Variants in ACVR1C observed in about 807,000 individuals in gnomAD.
The protein encoded by ACVR1C is activin A receptor type 1C, also known as activin receptor type-1C.
Under a neutral mutation model 57.9 loss-of-function variants are expected in ACVR1C, and 23 were observed. The ratio of observed to expected loss-of-function variants is 0.40; its 90% CI spans 0.29 to 0.56. The LOEUF (loss-of-function observed/expected upper bound fraction) is 0.56, where lower values mean the gene tolerates loss of function less well. Ranked by LOEUF, ACVR1C falls within the 20% of genes least tolerant of loss-of-function variation. ACVR1C has a pLI of 0.50. For synonymous variants in ACVR1C, 214 were observed against 215.3 expected, an observed-to-expected ratio of 0.99 and a Z score of 0.05; for missense variants, 480 against 607.9, an observed-to-expected ratio of 0.79 and a Z score of 2.21.
chr2:157,604,582 T>TA (rs537783066), intron 1 of ACVR1C, among the ~76,000 whole-genome samples: 154 of 152,102 alleles, frequency 1.0e-3, no homozygotes, highest in African/African-American at 3.5e-3. Context: ...TTCTCTTTGC[T>TA]AAATATCTAG....
intron 1 of ACVR1C, among the ~76,000 whole-genome samples, chr2:157,598,710 G>T (rs141246237): frequency 6.6e-6 from 1 of 151,736 alleles, no homozygotes; most frequent in African/African-American, 2.4e-5. Context: ...GGCTAATTTT[G>T]TATTTTTAGT....
chr2:157,556,205 C>T lies in ACVR1C; in HGVS notation c.432G>A (p.Arg144=), dbSNP rs759642205. 3 of 1,613,996 alleles carry T rather than the reference C, an allele frequency of 1.9e-6. No homozygotes were observed. Among genetic ancestry groups the T allele is most frequent in the Non-Finnish European group, 2.5e-6 (3 of 1,179,946 alleles). ...CCTCCACATTTGGTCTCTTTTTCTT[C>T]CTGTAGGAGCACTGTCGACCCTGGC... ...WACQGRQCSY[R]KKKRPNVEEP... Residue 144 remains arginine (R), a synonymous_variant, in exon 3 of 9, where the codon AGG becomes AGA. Coordinates refer to ENST00000243349, the MANE Select transcript of ACVR1C (RefSeq NM_145259.3).
At chr2:157,586,416 T>A (rs1573938162) in intron 2 of ACVR1C, among the ~76,000 whole-genome samples, 1 of 152,238 alleles carries the variant, frequency 6.6e-6, no homozygotes, top group Middle Eastern at 3.4e-3. Flanking sequence ...CTGTTATAGA[T>A]ACATCTGTAT....
At chr2:157,550,041 A>G (rs1687877718) in intron 4 of ACVR1C, 121 bp downstream of exon 4, 1 of 853,836 alleles carries the variant, frequency 1.2e-6, no homozygotes, top group South Asian at 2.0e-5. Flanking sequence ...AAGGAAAAAA[A>G]AAAAAAGAAG....
intron 1 of ACVR1C, among the ~76,000 whole-genome samples, chr2:157,618,010 A>G (rs1682691634): frequency 6.6e-6 from 1 of 151,950 alleles, no homozygotes; most frequent in African/African-American, 2.4e-5. Flanking sequence ...CTTCAGGTTG[A>G]AAGAAAATGA....
At chr2:157,575,232 G>A (rs1452811525) in intron 2 of ACVR1C, among the ~76,000 whole-genome samples, 2 of 69,126 alleles carry the variant, frequency 2.9e-5, no homozygotes, top group Admixed American at 1.3e-4. Context: ...GGGTTCAAGC[G>A]ATTCTCCTGT....
chr2:157,588,236 TAC>T (rs10572950), intron 1 of ACVR1C, among the ~76,000 whole-genome samples: 5,662 of 147,632 alleles, frequency 0.038, 171 homozygotes, highest in African/African-American at 0.077. Flanking sequence ...CTCCACTTAC[TAC>T]ACACACACAC....
Position 157,533,834 on chromosome 2 carries a change from A to C in ACVR1C, c.*84T>G. 2 of 1,386,664 alleles carry C rather than the reference A, an allele frequency of 1.4e-6. No homozygotes were observed. The highest frequency in any genetic ancestry group is 9.5e-7 in the Non-Finnish European group (1 of 1,055,660). 85.9% of individuals were successfully genotyped at this position (1,386,664 alleles called of 1,614,324 possible). A position where few individuals can be genotyped will look rare whatever the true frequency, so the allele number is the denominator to read the frequency against. On this transcript the variant is annotated 3_prime_UTR_variant, in exon 9 of 9. Coordinates refer to ENST00000243349, the MANE Select transcript of ACVR1C (RefSeq NM_145259.3). ...CTGTCTTATCTTTGAGGTAGAACAAAAAAAAAATGGCAAAAACATTCACAT... is the reference window on the plus strand; with the variant it reads ...CTGTCTTATCTTTGAGGTAGAACAACAAAAAAATGGCAAAAACATTCACAT...
intron 1 of ACVR1C, among the ~76,000 whole-genome samples, chr2:157,595,675 A>G (rs1682079276): frequency 6.6e-6 from 1 of 152,224 alleles, no homozygotes; most frequent in African/African-American, 2.4e-5. Context: ...AATCATTATC[A>G]TGACCTGATA....
intron 1 of ACVR1C, among the ~76,000 whole-genome samples, chr2:157,604,504 T>G (rs1049492615): frequency 3.3e-5 from 5 of 152,006 alleles, no homozygotes; most frequent in African/African-American, 1.2e-4. Flanking sequence ...TTTTTTCCCA[T>G]TTTTCTGGAT....
intron 2 of ACVR1C, among the ~76,000 whole-genome samples, chr2:157,580,090 C>A (rs1324368504): frequency 6.6e-6 from 1 of 151,966 alleles, no homozygotes; most frequent in Non-Finnish European, 1.5e-5. Flanking sequence ...CACAAACACA[C>A]ACGCGCGCAC....
intron 8 of ACVR1C, among the ~76,000 whole-genome samples, chr2:157,537,567 G>A (rs1035675440): frequency 6.6e-6 from 1 of 151,868 alleles, no homozygotes. Context: ...TTAGAAAAGG[G>A]TTGAGAAACA....
intron 4 of ACVR1C, among the ~76,000 whole-genome samples, chr2:157,545,177 A>G (rs1573907538): frequency 6.6e-6 from 1 of 152,226 alleles, no homozygotes; most frequent in African/African-American, 2.4e-5. Context: ...AATTTACCTC[A>G]TTTAGCCAAA....
chr2:157,541,745 T>C (rs1490672760), intron 6 of ACVR1C, among the ~76,000 whole-genome samples: 3 of 152,214 alleles, frequency 2.0e-5, no homozygotes. Flanking sequence ...CTGGGGCTTA[T>C]GAAAGTCTCC....
intron 2 of ACVR1C, among the ~76,000 whole-genome samples, chr2:157,556,717 G>A (rs899709848): frequency 1.2e-4 from 17 of 139,436 alleles, no homozygotes; most frequent in Non-Finnish European, 2.4e-4. Context: ...AGGCTGGAGT[G>A]CAGTGGTGCG....
chr2:157,547,945 G>A (rs1416675051), intron 4 of ACVR1C, among the ~76,000 whole-genome samples: 1 of 151,768 alleles, frequency 6.6e-6, no homozygotes, highest in African/African-American at 2.4e-5. Flanking sequence ...GGTTTTTATG[G>A]TTTTAGGTCT....
intron 2 of ACVR1C, among the ~76,000 whole-genome samples, chr2:157,586,779 G>A (rs1688932353): frequency 6.6e-6 from 1 of 152,050 alleles, no homozygotes; most frequent in African/African-American, 2.4e-5. Context: ...CAGAAAAGTT[G>A]GCAATCTGCT....
chr2:157,531,432 T>C lies in ACVR1C; in HGVS notation c.*2486A>G, dbSNP rs539368445. ...CATACGGATTTCTTCAGAGTGAAAG[T>C]TGAACCAATAAAATATGAAATTATA... On this transcript the variant is annotated 3_prime_UTR_variant, in exon 9 of 9. Transcript: ENST00000243349. 2.6e-5 allele frequency: 4 copies of C among 152,102 alleles called. No homozygotes were observed. The highest frequency in any genetic ancestry group is 1.3e-4 in the Admixed American group (2 of 15,260). 9.4% of individuals were successfully genotyped at this position (152,102 alleles called of 1,614,324 possible).
At chr2:157,564,865 A>G (rs894646916) in intron 2 of ACVR1C, among the ~76,000 whole-genome samples, 3 of 152,188 alleles carry the variant, frequency 2.0e-5, no homozygotes, top group Admixed American at 6.5e-5. Flanking sequence ...ACAGAAAATC[A>G]AACACCACAT....
Sources: gnomAD v4.1 joint callset for allele counts (sites outside exome capture counted in the v4.1 genomes callset) on GRCh38, gnomAD v4.1.1 for gene constraint, MANE v1.5 for transcripts, NCBI Gene and HGNC (gene_info 2026-07-23, HGNC 2026-07-21) for gene names.